ABL2: variants seen among roughly 807,000 people sequenced by gnomAD.
ABL2 encodes the protein tyrosine-protein kinase ABL2.
Under a neutral mutation model 107.7 loss-of-function variants are expected in ABL2, and 49 were observed. The ratio of observed to expected loss-of-function variants is 0.45; its 90% CI spans 0.36 to 0.58. The LOEUF (loss-of-function observed/expected upper bound fraction) is 0.58. Among genes scored for constraint, ABL2 ranks in the 20% least tolerant of loss-of-function variants. The pLI is 0.00. For synonymous variants in ABL2, 549 were observed against 548.6 expected, an observed-to-expected ratio of 1.00 and a Z score of -0.01; for missense variants, 1,245 against 1,457.0, an observed-to-expected ratio of 0.85 and a Z score of 2.37.
At chr1:179,215,149 G>A (rs955072735) in intron 1 of ABL2, among the ~76,000 whole-genome samples, 1 of 150,160 alleles carries the variant, frequency 6.7e-6, no homozygotes. Flanking sequence ...AACAGAATAA[G>A]ACTCAGTCTC....
intron 5 of ABL2, among the ~76,000 whole-genome samples, chr1:179,120,787 G>A (rs1172314980): frequency 1.3e-5 from 2 of 152,176 alleles, no homozygotes; most frequent in Non-Finnish European, 2.9e-5. Context: ...TTAGCAGGAG[G>A]AGCAAAATTC....
At chr1:179,125,561 T>C (rs974698963) in intron 4 of ABL2, among the ~76,000 whole-genome samples, 20 of 152,234 alleles carry the variant, frequency 1.3e-4, no homozygotes, top group African/African-American at 3.9e-4. Flanking sequence ...TATGTCTGTA[T>C]GCTGGTGCAA....
intron 1 of ABL2, among the ~76,000 whole-genome samples, chr1:179,209,776 C>T (rs1293506588): frequency 6.6e-6 from 1 of 152,160 alleles, no homozygotes; most frequent in African/African-American, 2.4e-5. Context: ...AAAAGAAAAA[C>T]AAACCAGCAG....
intron 1 of ABL2, among the ~76,000 whole-genome samples, chr1:179,136,625 T>C (rs1657018685): frequency 1.3e-5 from 2 of 148,858 alleles, no homozygotes; most frequent in Admixed American, 1.3e-4. Flanking sequence ...TGTTCACTTG[T>C]TTATCTGCTG....
rs1653527472 is a variant in ABL2 at position 179,107,224 on chromosome 1, T to G, written c.*494A>C. 1 of 235,536 alleles carries G rather than the reference T, an allele frequency of 4.2e-6. No individual in the cohort carries two copies. The highest frequency in any genetic ancestry group is 2.2e-5 in the African/African-American group (1 of 45,410). The allele number at this position is 235,536 out of a possible 1,614,324, so 14.6% of individuals were successfully genotyped here. A position where few individuals can be genotyped will look rare whatever the true frequency, so the allele number is the denominator to read the frequency against. On this transcript the variant is annotated 3_prime_UTR_variant, in exon 12 of 12. Transcript: ENST00000502732. ...AGCAATGGCCTTGTGGAAGCAAGGC[T>G]AACAGCTACTTCCAACAGCCCTGAA...
At position 179,108,237 on chromosome 1, in the gene ABL2, A is replaced by C. The variant is rs1279715330; in HGVS notation, c.3030T>G (p.Thr1010=). Residue 1010 remains threonine (T), a synonymous_variant, in exon 12 of 12, where the codon ACT becomes ACG. Transcript: ENST00000502732. Reference sequence around the variant, plus strand: ...GTGTTTCTGATGTGGACTGTCCTGCAGTTAGGGCAGTTGGCTCTTCTGTAG... The same window carrying C: ...GTGTTTCTGATGTGGACTGTCCTGCCGTTAGGGCAGTTGGCTCTTCTGTAG... ...SDPTEEPTAL[T]AGQSTSETQE... 1.2e-6 allele frequency: 2 copies of C among 1,613,436 alleles called. No individual in the cohort carries two copies. The highest frequency in any genetic ancestry group is 1.1e-5 in the South Asian group (1 of 91,048).
Position 179,160,273 on chromosome 1 carries a change from C to T in ABL2, c.158-26899G>A, listed in dbSNP as rs539357387. On this transcript the variant is annotated intron_variant, in intron 1 of 11. Coordinates refer to ENST00000502732, the MANE Select transcript of ABL2 (RefSeq NM_007314.4). ...TTACATCTGCAATCCCAATTATTCACGAGGCTGAGGCAGGAGGATCACCTG... is the reference window on the plus strand; with the variant it reads ...TTACATCTGCAATCCCAATTATTCATGAGGCTGAGGCAGGAGGATCACCTG... Among the ~76,000 whole-genome samples the T allele has an allele frequency of 1.1e-4, 16 of 151,712 alleles. No individual in the cohort carries two copies. The South Asian group carries it at 2.7e-3, about 26-fold the overall frequency.
At chr1:179,120,049 T>G in intron 6 of ABL2, 141 bp downstream of exon 6, 1 of 506,538 alleles carries the variant, frequency 2.0e-6, no homozygotes, top group South Asian at 4.6e-5. Context: ...GGCGGAAGTA[T>G]CACGTCAACA....
chr1:179,176,842 CCCG>C, intron 1 of ABL2, among the ~76,000 whole-genome samples: 1 of 151,894 alleles, frequency 6.6e-6, no homozygotes, highest in East Asian at 1.9e-4. Context: ...ATTACAGGTG[CCCG>C]CCACCATGCT....
intron 1 of ABL2, among the ~76,000 whole-genome samples, chr1:179,178,065 C>G (rs1660147513): frequency 6.6e-6 from 1 of 152,094 alleles, no homozygotes. Flanking sequence ...GGTTCAAGTT[C>G]CAACATGCCA....
At chr1:179,120,153 T>C in intron 6 of ABL2, 37 bp downstream of exon 6, 1 of 1,428,956 alleles carries the variant, frequency 7.0e-7, no homozygotes. Flanking sequence ...GGCAAGCATT[T>C]TTGGAGGAAA....
chr1:179,110,508 G>A, intron 10 of ABL2, 53 bp from the exon 11 acceptor site: 1 of 1,557,624 alleles, frequency 6.4e-7, no homozygotes, highest in South Asian at 1.2e-5. Context: ...AGCAGAAAAA[G>A]GGAGTTCTTT....
chr1:179,184,440 T>C, intron 1 of ABL2: 1 of 993,656 alleles, frequency 1.0e-6, no homozygotes, highest in Non-Finnish European at 1.5e-6. Flanking sequence ...AGAGAGCTTC[T>C]TTATCTGGTT....
At chr1:179,110,912 G>A (rs923339458) in intron 10 of ABL2, 31 of 1,594,298 alleles carry the variant, frequency 1.9e-5, no homozygotes, top group Non-Finnish European at 2.3e-5. Flanking sequence ...CCCAAATAGC[G>A]ATACTATTTT....
At chr1:179,227,189 A>G (rs1431350395) in intron 1 of ABL2, among the ~76,000 whole-genome samples, 3 of 152,240 alleles carry the variant, frequency 2.0e-5, no homozygotes, top group Admixed American at 6.5e-5. Flanking sequence ...ATAAAATCTT[A>G]AAACCAGAAA....
chr1:179,206,411 T>C (rs1277837865), intron 1 of ABL2, among the ~76,000 whole-genome samples: 1 of 151,738 alleles, frequency 6.6e-6, no homozygotes. Context: ...CATATTAGGG[T>C]TTGTACTAGG....
chr1:179,122,019 G>A (rs369516310), intron 4 of ABL2, 152 bp from the exon 5 acceptor site: 37 of 736,810 alleles, frequency 5.0e-5, no homozygotes, highest in Admixed American at 1.4e-4. Flanking sequence ...TCCGCCTCCC[G>A]GGTTCACGCC....
intron 1 of ABL2, among the ~76,000 whole-genome samples, chr1:179,172,145 T>G (rs1172195185): frequency 6.6e-6 from 1 of 152,152 alleles, no homozygotes; most frequent in African/African-American, 2.4e-5. Context: ...CATTTTCAAA[T>G]AGCAAAGACT....
Position 179,155,607 on chromosome 1 carries a change from T to C in ABL2, c.158-22233A>G, listed in dbSNP as rs1369282179. 3.9e-5 allele frequency among the ~76,000 whole-genome samples: 6 copies of C among 151,942 alleles called. No individual in the cohort carries two copies. In the East Asian group the frequency reaches 7.7e-4, roughly 20 times the overall value. On this transcript the variant is annotated intron_variant, in intron 1 of 11. Transcript: ENST00000502732. ...TTAGCCAGGCGTGGTGGCATATGCC[T>C]TTAGTCCCAGCTACTCAGGAGGCTG...
Sources: allele counts gnomAD v4.1 joint callset (sites outside exome capture counted in the v4.1 genomes callset), GRCh38; gene constraint gnomAD v4.1.1; transcripts MANE v1.5; gene names NCBI Gene and HGNC (gene_info 2026-07-23, HGNC 2026-07-21).